Variants in SLC44A5 observed in about 807,000 individuals in gnomAD.
The protein encoded by SLC44A5 is choline transporter-like protein 5.
SLC44A5 carries 57 observed loss-of-function variants against 101.8 expected under a neutral mutation model. The ratio of observed to expected loss-of-function variants is 0.56; its 90% CI spans 0.45 to 0.70. The LOEUF (loss-of-function observed/expected upper bound fraction) is 0.70. Among genes scored for constraint, SLC44A5 ranks in the 30% least tolerant of loss-of-function variants. The probability of loss-of-function intolerance (pLI) is 0.00; values close to 1 mark genes in which losing one functional copy is unlikely to be tolerated. For missense variants in SLC44A5, 737 were observed against 853.1 expected, an observed-to-expected ratio of 0.86 and a Z score of 1.70; for synonymous variants, 281 against 290.9, an observed-to-expected ratio of 0.97 and a Z score of 0.35.
chr1:75,290,348 G>A (rs1005687772), intron 5 of SLC44A5, among the ~76,000 whole-genome samples: 5 of 152,134 alleles, frequency 3.3e-5, no homozygotes, highest in African/African-American at 1.2e-4. Context: ...TAGAATAATT[G>A]AGTAGAGTTT....
At chr1:75,221,162 T>C (rs1325084382) in intron 14 of SLC44A5, among the ~76,000 whole-genome samples, 2 of 152,212 alleles carry the variant, frequency 1.3e-5, no homozygotes, top group Admixed American at 6.5e-5. Flanking sequence ...GCTTGTTAAC[T>C]ATTTAAACCA....
At chr1:75,268,327 A>T (rs1570522514) in intron 6 of SLC44A5, among the ~76,000 whole-genome samples, 1 of 151,944 alleles carries the variant, frequency 6.6e-6, no homozygotes, top group South Asian at 2.1e-4. Flanking sequence ...TGCTTCCCTC[A>T]CCCCGTAACC....
At chr1:75,323,174 G>A (rs914274613) in intron 4 of SLC44A5, among the ~76,000 whole-genome samples, 1 of 146,424 alleles carries the variant, frequency 6.8e-6, no homozygotes. Context: ...TCCCACCTAT[G>A]AGTGAGAATA....
intron 2 of SLC44A5, among the ~76,000 whole-genome samples, chr1:75,493,426 G>A (rs1668522299): frequency 6.6e-6 from 1 of 152,054 alleles, no homozygotes; most frequent in East Asian, 1.9e-4. Context: ...TAACAATATA[G>A]CCTGAAAATA....
the SLC44A5 span, among the ~76,000 whole-genome samples, chr1:75,650,575 C>T: frequency 6.6e-6 from 1 of 152,212 alleles, no homozygotes; most frequent in African/African-American, 2.4e-5. Flanking sequence ...AGAATTTCTG[C>T]TCTGAACCAA....
At chr1:75,655,398 G>A in the SLC44A5 span, among the ~76,000 whole-genome samples, 1 of 152,212 alleles carries the variant, frequency 6.6e-6, no homozygotes, top group Non-Finnish European at 1.5e-5. Context: ...AGGGGAATCT[G>A]ATGTCTAGCA....
intron 2 of SLC44A5, among the ~76,000 whole-genome samples, chr1:75,500,993 A>G (rs1293936327): frequency 6.6e-6 from 1 of 152,192 alleles, no homozygotes; most frequent in Non-Finnish European, 1.5e-5. Context: ...CAATATTACA[A>G]TATACACAAT....
chr1:75,479,924 C>A (rs1667720794), intron 2 of SLC44A5, among the ~76,000 whole-genome samples: 1 of 152,112 alleles, frequency 6.6e-6, no homozygotes, highest in South Asian at 2.1e-4. Flanking sequence ...ATCCTGATAC[C>A]AAAGCCGGGC....
At chr1:75,401,647 G>A (rs141042589) in intron 2 of SLC44A5, among the ~76,000 whole-genome samples, 376 of 152,116 alleles carry the variant, frequency 2.5e-3, no homozygotes, top group South Asian at 8.1e-3. Flanking sequence ...TAGAGAAGTG[G>A]GATGGGAAGG....
chr1:75,376,595 T>A (rs1045129683), intron 3 of SLC44A5, among the ~76,000 whole-genome samples: 3 of 152,002 alleles, frequency 2.0e-5, no homozygotes, highest in Non-Finnish European at 4.4e-5. Context: ...GGCAGGGTAC[T>A]CCAACAGACC....
In SLC44A5 at chr1:75,523,772, AGTT is replaced by A. The variant is rs201741231; in HGVS notation, c.13+17660_13+17662del. On this transcript the variant is annotated intron_variant, in intron 2 of 23. Coordinates refer to ENST00000370859, the MANE Select transcript of SLC44A5 (RefSeq NM_001130058.2). The stretch of plus-strand genomic sequence containing the variant: ...ACAGGGGACATTTGACAATATCTGG[AGTT>A]GTTGTTGATTGCTACGCCGGAGAGT... Among the ~76,000 whole-genome samples, 537 of 152,292 alleles carry A rather than the reference AGTT, an allele frequency of 3.5e-3. 3 individuals carry two copies. The highest frequency in any genetic ancestry group is 0.012 in the African/African-American group (492 of 41,552).
chr1:75,293,151 G>A (rs1455182608), intron 5 of SLC44A5, among the ~76,000 whole-genome samples: 2 of 152,200 alleles, frequency 1.3e-5, no homozygotes, highest in African/African-American at 4.8e-5. Context: ...GATAACCAAA[G>A]ATTGGCAAGA....
intron 6 of SLC44A5, among the ~76,000 whole-genome samples, chr1:75,260,653 T>C (rs1392788132): frequency 1.3e-5 from 2 of 152,120 alleles, no homozygotes; most frequent in Non-Finnish European, 2.9e-5. Context: ...GGACCTGAAC[T>C]CAGCTCTGCA....
At chr1:75,339,727 G>T in intron 3 of SLC44A5, 97 bp from the exon 4 acceptor site, 2 of 1,030,516 alleles carry the variant, frequency 1.9e-6, no homozygotes, top group Non-Finnish European at 2.9e-6. Context: ...TTAGTCCACT[G>T]CTCAGTGCAG....
At chr1:75,635,208 G>A in the SLC44A5 span, among the ~76,000 whole-genome samples, 5 of 151,414 alleles carry the variant, frequency 3.3e-5, no homozygotes, top group Admixed American at 6.6e-5. Context: ...TACACTGTTG[G>A]TGGGACTGTA....
At chr1:75,718,315 T>A in the SLC44A5 span, among the ~76,000 whole-genome samples, 33,897 of 152,066 alleles carry the variant, frequency 0.22, 5,193 homozygotes, top group East Asian at 0.68. Flanking sequence ...GGAGTGCTGG[T>A]AGGGATGAAA....
At chr1:75,621,215 C>T in the SLC44A5 span, among the ~76,000 whole-genome samples, 3 of 152,108 alleles carry the variant, frequency 2.0e-5, no homozygotes, top group Non-Finnish European at 4.4e-5. Flanking sequence ...ACAAAACTGG[C>T]CTCATCTCTA....
At chr1:75,302,121 T>TTG (rs1654525168) in intron 4 of SLC44A5, among the ~76,000 whole-genome samples, 1 of 138,758 alleles carries the variant, frequency 7.2e-6, no homozygotes. Flanking sequence ...TGTTTTTTTT[T>TTG]TTTTTTTTTT....
At position 75,501,239 on chromosome 1, in the gene SLC44A5, G is replaced by A. The variant is rs115625547; in HGVS notation, c.13+40196C>T. 5.8e-3 allele frequency among the ~76,000 whole-genome samples: 883 copies of A among 152,222 alleles called. 4 individuals are homozygous for A. The highest frequency in any genetic ancestry group is 0.02 in the African/African-American group (846 of 41,534). ...GTACAGATTAATAGGGTCAGGGAGA[G>A]ACAAAGAGCCAGTCTTCCCAGCACA... On this transcript the variant is annotated intron_variant, in intron 2 of 23. Transcript: ENST00000370859.
Sources: allele counts gnomAD v4.1 joint callset (sites outside exome capture counted in the v4.1 genomes callset), GRCh38; gene constraint gnomAD v4.1.1; transcripts MANE v1.5; gene names NCBI Gene and HGNC (gene_info 2026-07-23, HGNC 2026-07-21).